The following MAMLD1 variants were observed in gnomAD, a reference collection of about 807,000 sequenced individuals.
MAMLD1 encodes mastermind like domain containing 1, also known as mastermind-like domain-containing protein 1.
In MAMLD1, 14 loss-of-function variants were observed where a neutral mutation model predicts 45.0. That is an observed-to-expected ratio of 0.31 (90% CI 0.21 to 0.49). MAMLD1 has a LOEUF of 0.49. MAMLD1 is among the 20% of genes least tolerant of loss of function. The pLI is 0.99. For missense variants in MAMLD1, 543 were observed against 603.6 expected (o/e 0.90, Z 1.05); for synonymous variants, 254 against 247.8 (o/e 1.02, Z -0.24).
intron 1 of MAMLD1, among the ~76,000 whole-genome samples, chrX:150,412,862 C>T (rs1423489011): frequency 9.1e-6 from 1 of 110,144 alleles, no homozygotes; most frequent in Non-Finnish European, 1.9e-5. Flanking sequence ...GGACTAGAGG[C>T]GCCCACCACC....
At chrX:150,381,541 C>T (rs782056279) in intron 1 of MAMLD1, among the ~76,000 whole-genome samples, 1 of 112,488 alleles carries the variant, frequency 8.9e-6, no homozygotes, top group Non-Finnish European at 1.9e-5. Flanking sequence ...TGCTCTACCC[C>T]AACTTCTGAA....
intron 1 of MAMLD1, among the ~76,000 whole-genome samples, chrX:150,403,973 A>AAAGAAAGAAAGAAAGAAAGAAAGAAAGG (rs2033919434): frequency 1.1e-3 from 100 of 92,366 alleles, no homozygotes; most frequent in African/African-American, 4.3e-3. Flanking sequence ...AGAAAGAAAG[A>AAAGAAAGAAAGAAAGAAAGAAAGAAAGG]AAGAAAGAAA....
intron 1 of MAMLD1, among the ~76,000 whole-genome samples, chrX:150,417,422 G>A (rs1473288106): frequency 1.9e-5 from 2 of 105,863 alleles, no homozygotes; most frequent in Non-Finnish European, 3.9e-5. Flanking sequence ...TTGGACATTT[G>A]GGTTGGTTCC....
At chrX:150,474,968 G>A (rs1385574197) in intron 5 of MAMLD1, among the ~76,000 whole-genome samples, 1 of 111,874 alleles carries the variant, frequency 8.9e-6, no homozygotes, top group Non-Finnish European at 1.9e-5. Flanking sequence ...GAGTGTTTGA[G>A]GCAAGAGCTG....
Position 150,445,445 on chromosome X carries a change from C to T in MAMLD1, c.-63-9C>T. On this transcript the variant is annotated splice_polypyrimidine_tract_variant and intron_variant, in intron 1 of 7. Transcript: ENST00000370401. Reference sequence around the variant, plus strand: ...ATCTGAAAGACAGTGTACTTTTTGTCTCCCTAAGCCCTGTGTCTAGGTCGT... The same window carrying T: ...ATCTGAAAGACAGTGTACTTTTTGTTTCCCTAAGCCCTGTGTCTAGGTCGT... 1.4e-6 allele frequency: 1 copy of T among 726,894 alleles called. No homozygotes were observed. The allele number at this position is 726,894 out of a possible 1,213,427, so 59.9% of individuals were successfully genotyped here. A position where few individuals can be genotyped will look rare whatever the true frequency, so the allele number is the denominator to read the frequency against.
At chrX:150,480,642 G>A (rs782809717) in intron 5 of MAMLD1, among the ~76,000 whole-genome samples, 6 of 111,948 alleles carry the variant, frequency 5.4e-5, no homozygotes, top group East Asian at 2.8e-4. Context: ...CCATTTCTTC[G>A]ATGTTTTCTC....
At chrX:150,423,073 C>G (rs1283626412) in intron 1 of MAMLD1, among the ~76,000 whole-genome samples, 1 of 111,688 alleles carries the variant, frequency 9.0e-6, no homozygotes, top group Non-Finnish European at 1.9e-5. Context: ...TCCTCAACCC[C>G]ATGTTCGTTT....
At position 150,514,069 on chromosome X, in the gene MAMLD1, A is replaced by C. The variant is rs921840040; in HGVS notation, c.*2110A>C. ...CTCAGTGTCCAGACTTTCTGTAATCACATTTTAATTGCCACCTCGTATTTC... is the reference window on the plus strand; with the variant it reads ...CTCAGTGTCCAGACTTTCTGTAATCCCATTTTAATTGCCACCTCGTATTTC... On this transcript the variant is annotated 3_prime_UTR_variant, in exon 8 of 8. Coordinates refer to ENST00000370401, the MANE Select transcript of MAMLD1 (RefSeq NM_005491.5). 1.1e-5 allele frequency: 3 copies of C among 278,576 alleles called. No individual in the cohort carries two copies. The Admixed American group carries it at 1.9e-4, about 18-fold the overall frequency. 23.0% of individuals were successfully genotyped at this position (278,576 alleles called of 1,213,427 possible). A position where few individuals can be genotyped will look rare whatever the true frequency, so the allele number is the denominator to read the frequency against.
At chrX:150,494,553 T>C (rs1349687901) in intron 5 of MAMLD1, among the ~76,000 whole-genome samples, 1 of 111,787 alleles carries the variant, frequency 8.9e-6, no homozygotes, top group Non-Finnish European at 1.9e-5. Flanking sequence ...CACTTATTAA[T>C]AGACTTAAAC....
rs147044979 is a variant in MAMLD1 at position 150,398,420 on chromosome X, G to A, written c.-64+34890G>A. Among the ~76,000 whole-genome samples the A allele has an allele frequency of 3.9e-3, 428 of 109,615 alleles. 2 individuals are homozygous for A. The highest frequency in any genetic ancestry group is 6.7e-3 in the Non-Finnish European group (351 of 52,146). On this transcript the variant is annotated intron_variant, in intron 1 of 7. Coordinates refer to ENST00000370401, the MANE Select transcript of MAMLD1 (RefSeq NM_005491.5). ...GAAGAAGAAGACAGGGAACGAAGGA[G>A]CAAAAATACACTAGCTTTCCAAAGG...
intron 5 of MAMLD1, among the ~76,000 whole-genome samples, chrX:150,474,932 G>A (rs1232168179): frequency 9.0e-6 from 1 of 111,232 alleles, no homozygotes; most frequent in Non-Finnish European, 1.9e-5. Flanking sequence ...TTCTTCCAGG[G>A]GAGAGAAAAA....
chrX:150,483,668 T>C (rs1306363506), intron 5 of MAMLD1, among the ~76,000 whole-genome samples: 1 of 112,635 alleles, frequency 8.9e-6, no homozygotes, highest in African/African-American at 3.2e-5. Context: ...TCTATAGCAC[T>C]TGTGCAATGT....
At chrX:150,487,524 A>T (rs1207479695) in intron 5 of MAMLD1, among the ~76,000 whole-genome samples, 2 of 112,251 alleles carry the variant, frequency 1.8e-5, no homozygotes, top group Non-Finnish European at 3.8e-5. Context: ...TCCCAAGGAC[A>T]TCCAACATTT....
At chrX:150,416,892 G>A (rs1557403071) in intron 1 of MAMLD1, among the ~76,000 whole-genome samples, 2 of 111,902 alleles carry the variant, frequency 1.8e-5, no homozygotes, top group African/African-American at 6.5e-5. Context: ...GCAACACTAC[G>A]GTTTTTTTCC....
chrX:150,482,349 G>A (rs1186567362), intron 5 of MAMLD1, among the ~76,000 whole-genome samples: 1 of 112,142 alleles, frequency 8.9e-6, no homozygotes, highest in Non-Finnish European at 1.9e-5. Flanking sequence ...GTGAGTGACA[G>A]GGGCTAGGGG....
At position 150,470,513 on chromosome X, in the gene MAMLD1, A is replaced by G; in HGVS notation, c.940A>G (p.Lys314Glu). The change falls in exon 4 of 8, where the codon AAG becomes GAG. Residue 314 changes from lysine to glutamate, a missense_variant. Lys to Glu is a moderately conservative substitution (Grantham distance 56). Transcript: ENST00000370401. ...CCAGCTGAAGGCGTTGGCAGCCAGC[A>G]AGCAGGGGTCTGCTACAAAGCAGCA... ...AHQLKALAAS[K>E]QGSATKQQGP... 1 of 1,211,630 alleles carries G rather than the reference A, an allele frequency of 8.3e-7. No homozygotes were observed. The highest frequency in any genetic ancestry group is 1.1e-6 in the Non-Finnish European group (1 of 895,482).
chrX:150,409,298 CT>C (rs1486614594), intron 1 of MAMLD1, among the ~76,000 whole-genome samples: 2 of 111,721 alleles, frequency 1.8e-5, no homozygotes, highest in African/African-American at 6.5e-5. Context: ...ATGTCTCTGG[CT>C]TTTCCCCTTG....
At chrX:150,445,285 C>T (rs1430696491) in intron 1 of MAMLD1, among the ~76,000 whole-genome samples, 169 bp from the exon 2 acceptor site, 1 of 111,114 alleles carries the variant, frequency 9.0e-6, no homozygotes, top group Non-Finnish European at 1.9e-5. Context: ...CAAAAATGCC[C>T]CTCATTCTTG....
chrX:150,369,140 C>CT (rs376630529), intron 1 of MAMLD1, among the ~76,000 whole-genome samples: 1,436 of 107,562 alleles, frequency 0.013, 11 homozygotes, highest in Non-Finnish European at 0.022. Flanking sequence ...TGAATAAACC[C>CT]TTTTTTTTTA....
Sources: gnomAD v4.1 joint callset for allele counts (sites outside exome capture counted in the v4.1 genomes callset) on GRCh38, gnomAD v4.1.1 for gene constraint, MANE v1.5 for transcripts, NCBI Gene and HGNC (gene_info 2026-07-23, HGNC 2026-07-21) for gene names.